Variants in C3orf20 observed in about 807,000 individuals in gnomAD.
The protein encoded by C3orf20 is family with sequence similarity 149 member C, also known as uncharacterized protein C3orf20.
Under a neutral mutation model 88.3 loss-of-function variants are expected in C3orf20, and 76 were observed. The ratio of observed to expected loss-of-function variants is 0.86; its 90% CI spans 0.72 to 1.04. The LOEUF (loss-of-function observed/expected upper bound fraction) is 1.04, where lower values mean the gene tolerates loss of function less well. Ranked by LOEUF, C3orf20 falls within the 50% of genes least tolerant of loss-of-function variation. C3orf20 has a pLI of 0.00. For synonymous variants in C3orf20, 436 were observed against 437.4 expected (o/e 1.00, Z 0.04); for missense variants, 1,056 against 1,123.3 (o/e 0.94, Z 0.86).
In C3orf20 at chr3:14,684,367, G is replaced by A. The variant is rs551894334; in HGVS notation, c.610G>A (p.Gly204Arg). The A allele has an allele frequency of 5.6e-6, 9 of 1,613,886 alleles. No homozygotes were observed. Among genetic ancestry groups the A allele is most frequent in the Middle Eastern group, 1.6e-4 (1 of 6,082 alleles). The change falls in exon 4 of 17, where the codon GGA (glycine) becomes AGA (arginine). Residue 204 changes from glycine (G) to arginine (R), a missense_variant. Coordinates refer to ENST00000253697, the MANE Select transcript of C3orf20 (RefSeq NM_032137.5). Reference protein sequence around the residue: ...STAGRSGYSSGQLWKESLANM... With the variant: ...STAGRSGYSSRQLWKESLANM... ...AGCCGGGAGAAGTGGCTACAGCAGC[G>A]GACAGTTGTGGAAAGGTGGGTACCT...
chr3:14,699,787 C>T (rs1424432886), intron 5 of C3orf20, among the ~76,000 whole-genome samples: 1 of 152,210 alleles, frequency 6.6e-6, no homozygotes, highest in Non-Finnish European at 1.5e-5. Context: ...TGCATGCCCT[C>T]TAAATCCACT....
chr3:14,686,608 A>G lies in C3orf20; in HGVS notation c.625+2226A>G, dbSNP rs192435154. Among the ~76,000 whole-genome samples, 761 of 152,270 alleles carry G rather than the reference A, an allele frequency of 5.0e-3. 7 individuals carry two copies. The highest frequency in any genetic ancestry group is 0.017 in the African/African-American group (714 of 41,552). ...TACTGACATTGAGCTTTTTTGTCAT[A>G]TACCTATTGGCCATTTGTGTCTCTT... On this transcript the variant is annotated intron_variant, in intron 4 of 16. Coordinates refer to ENST00000253697, the MANE Select transcript of C3orf20 (RefSeq NM_032137.5).
intron 4 of C3orf20, among the ~76,000 whole-genome samples, chr3:14,686,456 A>G (rs1180842527): frequency 6.6e-6 from 1 of 152,224 alleles, no homozygotes; most frequent in African/African-American, 2.4e-5. Context: ...CACCAGCTGC[A>G]TACAAGGGTT....
At chr3:14,764,480 T>TTTACTA (rs1553618273) in intron 15 of C3orf20, among the ~76,000 whole-genome samples, 21 of 148,746 alleles carry the variant, frequency 1.4e-4, no homozygotes, top group Admixed American at 1.2e-3. Flanking sequence ...AACACAATCG[T>TTTACTA]TTATTATTAT....
chr3:14,722,627 T>C (rs2034207006), intron 10 of C3orf20: 6 of 455,058 alleles, frequency 1.3e-5, no homozygotes. Flanking sequence ...CATTCTAGAC[T>C]GCTTTCGTTT....
At chr3:14,681,349 A>G (rs1488363672) in intron 1 of C3orf20, among the ~76,000 whole-genome samples, 2 of 152,230 alleles carry the variant, frequency 1.3e-5, no homozygotes, top group Non-Finnish European at 2.9e-5. Flanking sequence ...TGTCTAGTGG[A>G]AAAGAAGACG....
At chr3:14,760,717 A>C (rs532748590) in intron 14 of C3orf20, among the ~76,000 whole-genome samples, 41 of 142,932 alleles carry the variant, frequency 2.9e-4, no homozygotes, top group Middle Eastern at 4.2e-3. Context: ...TCAAGTGATT[A>C]TCCTGCCTCA....
At chr3:14,718,345 T>G (rs1205529165) in intron 9 of C3orf20, among the ~76,000 whole-genome samples, 1 of 152,166 alleles carries the variant, frequency 6.6e-6, no homozygotes, top group Non-Finnish European at 1.5e-5. Context: ...TATAATAATT[T>G]AAAATTTCAG....
chr3:14,759,283 A>G (rs547992995), intron 13 of C3orf20, among the ~76,000 whole-genome samples: 191 of 152,326 alleles, frequency 1.3e-3, no homozygotes, highest in Non-Finnish European at 1.9e-3. Flanking sequence ...GCACCTGGAA[A>G]TAAGGCAGAT....
Position 14,704,363 on chromosome 3 carries a change from G to A in C3orf20, c.905G>A (p.Gly302Glu), listed in dbSNP as rs2033406737. The change falls in exon 7 of 17, where the codon GGG becomes GAG. Residue 302 changes from glycine to glutamate, a missense_variant. Gly to Glu is a moderately conservative substitution (Grantham distance 98). Coordinates refer to ENST00000253697, the MANE Select transcript of C3orf20 (RefSeq NM_032137.5). Reference protein sequence around the residue: ...HIEAERATWKGRNISYPMILR... With the variant: ...HIEAERATWKERNISYPMILR... Reference sequence around the variant, plus strand: ...GAAGCTGAAAGGGCCACATGGAAAGGGAGGAATATCTCCTACCCCATGATC... The same window carrying A: ...GAAGCTGAAAGGGCCACATGGAAAGAGAGGAATATCTCCTACCCCATGATC... The A allele has an allele frequency of 6.2e-7, 1 of 1,614,056 alleles. No individual in the cohort carries two copies. The highest frequency in any genetic ancestry group is 1.3e-5 in the African/African-American group (1 of 74,994).
intron 7 of C3orf20, among the ~76,000 whole-genome samples, chr3:14,711,004 C>T (rs567826307): frequency 1.6e-4 from 24 of 151,984 alleles, no homozygotes; most frequent in African/African-American, 5.8e-4. Flanking sequence ...AGTGATTCTC[C>T]TGCCTCAGCC....
At chr3:14,691,802 A>T (rs1229006302) in intron 5 of C3orf20, among the ~76,000 whole-genome samples, 1 of 152,192 alleles carries the variant, frequency 6.6e-6, no homozygotes, top group East Asian at 1.9e-4. Flanking sequence ...ATATATAATT[A>T]AATTATATTT....
intron 1 of C3orf20, among the ~76,000 whole-genome samples, chr3:14,678,278 G>T (rs1474360337): frequency 6.6e-6 from 1 of 152,176 alleles, no homozygotes; most frequent in Non-Finnish European, 1.5e-5. Flanking sequence ...TTGAAGGTGG[G>T]GACTAGTGTC....
chr3:14,772,033 C>G lies in C3orf20; in HGVS notation c.2496-34C>G, dbSNP rs2035870820. 6.2e-7 allele frequency: 1 copy of G among 1,613,478 alleles called. No individual in the cohort carries two copies. The highest frequency in any genetic ancestry group is 8.5e-7 in the Non-Finnish European group (1 of 1,179,726). On this transcript the variant is annotated intron_variant, in intron 15 of 16. Transcript: ENST00000253697. The surrounding 1 kb of genome is among the most constrained non-coding windows in gnomAD (Gnocchi z 4.2). ...GACAGCGTGCAGTGCACCCTGGGCC[C>G]TGAGCACTGCCCCCGACCCTGCCTC...
At chr3:14,770,941 AG>A (rs1210302674) in intron 15 of C3orf20, among the ~76,000 whole-genome samples, 1 of 152,200 alleles carries the variant, frequency 6.6e-6, no homozygotes, top group Non-Finnish European at 1.5e-5. Flanking sequence ...CAAAGCTGTG[AG>A]GTGTGGCACA....
intron 4 of C3orf20, 122 bp from the exon 5 acceptor site, chr3:14,689,875 A>T (rs1054458792): frequency 1.5e-6 from 2 of 1,294,370 alleles, no homozygotes; most frequent in African/African-American, 2.9e-5. Flanking sequence ...TTTTGTAACA[A>T]TGCGGCACTT....
In C3orf20 at chr3:14,716,186, G is replaced by A. The variant is rs112887486; in HGVS notation, c.1434+777G>A. Among the ~76,000 whole-genome samples the A allele has an allele frequency of 1.4e-3, 207 of 152,298 alleles. 1 individual carries two copies. The highest frequency in any genetic ancestry group is 4.8e-3 in the African/African-American group (198 of 41,564). On this transcript the variant is annotated intron_variant, in intron 9 of 16. Transcript: ENST00000253697. ...TCAGGTATCACCAAATGTAGCCTCT[G>A]GGGGGCAAAATTGCCCCCAGTTGAG... is the stretch of plus-strand genomic sequence containing the variant.
At chr3:14,735,172 CT>C (rs1412437745) in intron 12 of C3orf20, among the ~76,000 whole-genome samples, 1 of 151,386 alleles carries the variant, frequency 6.6e-6, no homozygotes, top group Non-Finnish European at 1.5e-5. Flanking sequence ...AGTATTTAAT[CT>C]TTTTACATTA....
chr3:14,750,865 C>A (rs1467039861), intron 12 of C3orf20, among the ~76,000 whole-genome samples: 1 of 152,090 alleles, frequency 6.6e-6, no homozygotes, highest in Non-Finnish European at 1.5e-5. Flanking sequence ...GAGTTTTAGG[C>A]AATTATTTCT....
Sources: allele counts gnomAD v4.1 joint callset (sites outside exome capture counted in the v4.1 genomes callset), GRCh38; gene constraint gnomAD v4.1.1; non-coding constraint Gnocchi (gnomAD v3.1); transcripts MANE v1.5; gene names NCBI Gene and HGNC (gene_info 2026-07-23, HGNC 2026-07-21).